PPP2R2C: variants seen among roughly 807,000 people sequenced by gnomAD.
The protein encoded by PPP2R2C is protein phosphatase 2, regulatory subunit B, gamma.
PPP2R2C carries 10 observed loss-of-function variants against 45.3 expected under a neutral mutation model. The ratio of observed to expected loss-of-function variants is 0.22; its 90% confidence interval spans 0.14 to 0.37. The LOEUF is 0.37. Ranked by LOEUF, PPP2R2C falls within the 10% of genes least tolerant of loss-of-function variation. PPP2R2C has a pLI of 1.00. For synonymous variants in PPP2R2C, 257 were observed against 245.4 expected, an observed-to-expected ratio of 1.05 and a Z score of -0.44; for missense variants, 308 against 619.7, an observed-to-expected ratio of 0.50 and a Z score of 5.34.
chr4:6,514,341 C>G (rs1227124384), intron 2 of PPP2R2C, among the ~76,000 whole-genome samples: 1 of 152,156 alleles, frequency 6.6e-6, no homozygotes, highest in Non-Finnish European at 1.5e-5. Context: ...CGAGGTACTG[C>G]CCAGGTATTT....
chr4:6,525,962 A>C (rs558393738), intron 2 of PPP2R2C, among the ~76,000 whole-genome samples: 3 of 152,294 alleles, frequency 2.0e-5, no homozygotes, highest in Non-Finnish European at 4.4e-5. Flanking sequence ...TCAGCCTCCC[A>C]AAGTGCTGGG....
chr4:6,349,524 T>A (rs1712335793), intron 5 of PPP2R2C: 1 of 985,308 alleles, frequency 1.0e-6, no homozygotes, highest in African/African-American at 1.7e-5. Flanking sequence ...CTGAAATCCA[T>A]CTGCCCTCCC....
At chr4:6,492,360 G>A (rs1722722716) in intron 2 of PPP2R2C, among the ~76,000 whole-genome samples, 1 of 152,224 alleles carries the variant, frequency 6.6e-6, no homozygotes, top group African/African-American at 2.4e-5. Flanking sequence ...AGACAGGGAG[G>A]TCTGGTCTTC....
intron 2 of PPP2R2C, among the ~76,000 whole-genome samples, chr4:6,511,289 TGCTG>T (rs1560593352): frequency 2.0e-5 from 3 of 151,872 alleles, no homozygotes; most frequent in African/African-American, 4.8e-5. Flanking sequence ...CTGATGCTGA[TGCTG>T]ATGGTGGTGG....
chr4:6,516,674 A>G (rs1330157034), intron 2 of PPP2R2C, among the ~76,000 whole-genome samples: 1 of 152,244 alleles, frequency 6.6e-6, no homozygotes, highest in Non-Finnish European at 1.5e-5. Flanking sequence ...TTTCATTTAA[A>G]AGAAAATATT....
At chr4:6,363,941 G>A (rs1714043653) in intron 5 of PPP2R2C, among the ~76,000 whole-genome samples, 1 of 152,212 alleles carries the variant, frequency 6.6e-6, no homozygotes, top group African/African-American at 2.4e-5. Flanking sequence ...TTTCTAAGGA[G>A]GCCGGGGTCC....
intron 1 of PPP2R2C, among the ~76,000 whole-genome samples, chr4:6,443,777 GC>G (rs1033827954): frequency 2.2e-5 from 3 of 133,752 alleles, no homozygotes; most frequent in African/African-American, 8.4e-5. Context: ...CCACCCCACC[GC>G]CCCCCCGGAG....
At chr4:6,438,176 A>G (rs750004432) in intron 1 of PPP2R2C, among the ~76,000 whole-genome samples, 3 of 152,228 alleles carry the variant, frequency 2.0e-5, no homozygotes, top group Non-Finnish European at 4.4e-5. Flanking sequence ...CCCACTCACC[A>G]TCGTACAGTT....
chr4:6,441,208 C>T (rs1371577060), intron 1 of PPP2R2C, among the ~76,000 whole-genome samples: 2 of 152,094 alleles, frequency 1.3e-5, no homozygotes. Flanking sequence ...CACCTCAGGG[C>T]CCTCATGCAT....
intron 2 of PPP2R2C, among the ~76,000 whole-genome samples, chr4:6,510,964 G>A (rs62286098): frequency 0.19 from 24,205 of 130,246 alleles, 2,653 homozygotes; most frequent in Non-Finnish European, 0.26. Context: ...GCAACAGAGT[G>A]AGACTCCGTC....
intron 1 of PPP2R2C, among the ~76,000 whole-genome samples, chr4:6,393,575 CAA>C (rs556737727): frequency 2.4e-4 from 37 of 152,350 alleles, no homozygotes; most frequent in African/African-American, 8.7e-4. Context: ...CCCCGGCCTC[CAA>C]CCCGTGTCTG....
chr4:6,508,254 C>T (rs1401546440), intron 2 of PPP2R2C, among the ~76,000 whole-genome samples: 1 of 152,200 alleles, frequency 6.6e-6, no homozygotes, highest in Non-Finnish European at 1.5e-5. Flanking sequence ...TAATTGGTTA[C>T]AGCTGGCATC....
intron 1 of PPP2R2C, among the ~76,000 whole-genome samples, chr4:6,536,027 C>T (rs1724600809): frequency 1.3e-5 from 2 of 152,310 alleles, no homozygotes; most frequent in East Asian, 1.9e-4. Context: ...ACCACCCCCA[C>T]CCCTGACAGC....
rs1732115102 is a variant in PPP2R2C, at chr4:6,328,267, T to C, written c.1052+995A>G. 6.6e-6 allele frequency among the ~76,000 whole-genome samples: 1 copy of C among 152,176 alleles called. No individual in the cohort carries two copies. The highest frequency in any genetic ancestry group is 1.5e-5 in the Non-Finnish European group (1 of 68,016). On this transcript the variant is annotated intron_variant, in intron 8 of 8. Transcript: ENST00000382599. The surrounding 1 kb of genome is among the most constrained non-coding windows in gnomAD (Gnocchi z 4.4). ...CATGGGCTCCTGACAGGTGGTATTC[T>C]GATCTAGCAGCCAGTGTAGTCTTTA...
At chr4:6,450,741 C>T (rs1720695243) in intron 1 of PPP2R2C, among the ~76,000 whole-genome samples, 1 of 152,170 alleles carries the variant, frequency 6.6e-6, no homozygotes, top group Non-Finnish European at 1.5e-5. Flanking sequence ...AGAGGTGAAA[C>T]CCCCATTTCA....
chr4:6,513,969 T>C (rs763085549), intron 2 of PPP2R2C, among the ~76,000 whole-genome samples: 32 of 152,216 alleles, frequency 2.1e-4, no homozygotes, highest in Non-Finnish European at 3.1e-4. Flanking sequence ...ACACTAATTC[T>C]GAGGCATGCT....
rs537867084 is a variant in PPP2R2C at position 6,426,601 on chromosome 4, T to C, written c.71-45507A>G. ...AGACACAAGCATCACCTCCTGAAGC[T>C]ACAATATGCCCACCTTATTCCTCAC... On this transcript the variant is annotated intron_variant, in intron 1 of 8. Coordinates refer to ENST00000382599, the MANE Select transcript of PPP2R2C (RefSeq NM_020416.4). Among the ~76,000 whole-genome samples the C allele has an allele frequency of 1.0e-3, 153 of 151,514 alleles. 1 individual carries two copies. The highest frequency in any genetic ancestry group is 3.5e-3 in the African/African-American group (147 of 41,542).
chr4:6,560,329 G>A (rs1012827978), intron 1 of PPP2R2C, among the ~76,000 whole-genome samples: 2 of 152,200 alleles, frequency 1.3e-5, no homozygotes, highest in African/African-American at 4.8e-5. Context: ...TTTCCATACT[G>A]GCAAATGAAA....
At chr4:6,539,742 A>C (rs911785368) in intron 1 of PPP2R2C, among the ~76,000 whole-genome samples, 1 of 152,216 alleles carries the variant, frequency 6.6e-6, no homozygotes, top group Non-Finnish European at 1.5e-5. Flanking sequence ...TGCAGGCGGA[A>C]GCTGCACTAG....
Sources: gnomAD v4.1 joint callset for allele counts (sites outside exome capture counted in the v4.1 genomes callset) on GRCh38, gnomAD v4.1.1 for gene constraint, Gnocchi (gnomAD v3.1) non-coding constraint, MANE v1.5 for transcripts, NCBI Gene and HGNC (gene_info 2026-07-23, HGNC 2026-07-21) for gene names.